AQR: variants seen among roughly 807,000 people sequenced by gnomAD.
AQR encodes the protein RNA helicase aquarius.
In AQR, 61 loss-of-function variants were observed where a neutral mutation model predicts 180.5. The observed-to-expected ratio is 0.34, with a 90% CI of 0.28 to 0.42. The LOEUF (loss-of-function observed/expected upper bound fraction) is 0.42. AQR is among the 10% of genes least tolerant of loss of function. AQR has a pLI of 1.00. For synonymous variants in AQR, 551 were observed against 588.8 expected (o/e 0.94, Z 0.93); for missense variants, 1,281 against 1,798.3 (o/e 0.71, Z 5.20).
chr15:34,866,225 C>G (rs1008271005), intron 32 of AQR, among the ~76,000 whole-genome samples: 1 of 151,996 alleles, frequency 6.6e-6, no homozygotes, highest in South Asian at 2.1e-4. Flanking sequence ...GCTAAGATAC[C>G]TAGGCTAAGC....
chr15:34,867,375 T>G, intron 32 of AQR, 149 bp downstream of exon 32: 1 of 635,678 alleles, frequency 1.6e-6, no homozygotes, highest in Non-Finnish European at 2.8e-6. Flanking sequence ...ACAAGGAATT[T>G]GATGTTACAT....
chr15:34,929,641 G>C (rs1893820329), intron 12 of AQR, among the ~76,000 whole-genome samples: 1 of 152,096 alleles, frequency 6.6e-6, no homozygotes, highest in Admixed American at 6.6e-5. Flanking sequence ...CAGCTTTGGA[G>C]AAGAGAGATC....
chr15:34,918,471 T>C (rs1893630731), intron 14 of AQR, 93 bp from the exon 15 acceptor site: 2 of 1,449,398 alleles, frequency 1.4e-6, no homozygotes, highest in African/African-American at 1.4e-5. Context: ...CTATCAGTTA[T>C]TGTAGCAGTT....
chr15:34,924,498 C>G (rs1893728413), intron 13 of AQR, among the ~76,000 whole-genome samples: 1 of 151,496 alleles, frequency 6.6e-6, no homozygotes. Flanking sequence ...GTGGCACGAT[C>G]TTGGCTCACT....
chr15:34,901,316 G>A (rs1201909643), intron 19 of AQR, among the ~76,000 whole-genome samples: 1 of 152,092 alleles, frequency 6.6e-6, no homozygotes, highest in Non-Finnish European at 1.5e-5. Context: ...GCACATTAAT[G>A]TATGCTTCAA....
At chr15:34,864,548 G>T (rs17818176) in intron 32 of AQR, among the ~76,000 whole-genome samples, 2,408 of 152,290 alleles carry the variant, frequency 0.016, 32 homozygotes, top group Admixed American at 0.024. Context: ...TACACTGCTA[G>T]AAATACCTAG....
chr15:34,936,057 G>A (rs768596526), intron 9 of AQR, among the ~76,000 whole-genome samples: 25 of 152,068 alleles, frequency 1.6e-4, no homozygotes, highest in Admixed American at 2.6e-4. Context: ...TTTTATGAGA[G>A]CTGGTCCTAC....
chr15:34,861,681 C>T (rs1006770444), intron 33 of AQR, among the ~76,000 whole-genome samples: 3 of 152,092 alleles, frequency 2.0e-5, no homozygotes, highest in African/African-American at 7.2e-5. Flanking sequence ...TCAAGAAACT[C>T]GGATATAATA....
At chr15:34,889,914 G>T (rs559323793) in intron 24 of AQR, among the ~76,000 whole-genome samples, 2 of 152,218 alleles carry the variant, frequency 1.3e-5, no homozygotes, top group East Asian at 3.9e-4. Flanking sequence ...TTTTGAACTG[G>T]CAGCATGAAA....
chr15:34,896,402 T>C (rs1566984480), intron 22 of AQR, among the ~76,000 whole-genome samples: 1 of 152,222 alleles, frequency 6.6e-6, no homozygotes, highest in Admixed American at 6.5e-5. Context: ...TAAAACTTTA[T>C]GAACACTGAA....
At chr15:34,874,086 T>C in intron 29 of AQR, 87 bp from the exon 30 acceptor site, 2 of 1,289,502 alleles carry the variant, frequency 1.6e-6, no homozygotes, top group Non-Finnish European at 2.0e-6. Context: ...TCTGTTTCTG[T>C]GCTTCTTTTA....
intron 19 of AQR, among the ~76,000 whole-genome samples, chr15:34,901,499 A>G (rs1485495137): frequency 3.3e-5 from 5 of 152,230 alleles, no homozygotes; most frequent in Non-Finnish European, 4.4e-5. Context: ...GTCAAAAATA[A>G]TTACAAAAAG....
intron 3 of AQR, among the ~76,000 whole-genome samples, chr15:34,958,069 G>C (rs1017551532): frequency 6.6e-6 from 1 of 152,032 alleles, no homozygotes; most frequent in Non-Finnish European, 1.5e-5. Context: ...TTAGCCGGGC[G>C]TGGTGGCGGG....
At chr15:34,914,479 G>A (rs1202472556) in intron 16 of AQR, among the ~76,000 whole-genome samples, 2 of 152,100 alleles carry the variant, frequency 1.3e-5, no homozygotes, top group Admixed American at 1.3e-4. Context: ...GTAAATCCTG[G>A]TGATTTACTT....
In AQR at chr15:34,874,859, A is replaced by G; in HGVS notation, c.3243T>C (p.Pro1081=). Residue 1081 remains proline, a synonymous_variant, in exon 29 of 35, where the codon CCT becomes CCC. Transcript: ENST00000156471. ...GTTTTAGTCGGCTAAATCCATCCTG[A>G]GGATTCTAGAAATGAAAAGTAAGGA... The part of the protein sequence containing the change: ...ETFIPLLLQN[P]QDGFSRLKRW... 1 of 1,612,102 alleles carries G rather than the reference A, an allele frequency of 6.2e-7. No homozygotes were observed. Among genetic ancestry groups the G allele is most frequent in the South Asian group, 1.1e-5 (1 of 90,742 alleles).
intron 5 of AQR, among the ~76,000 whole-genome samples, chr15:34,944,950 T>C (rs1894087159): frequency 6.6e-6 from 1 of 152,254 alleles, no homozygotes; most frequent in Non-Finnish European, 1.5e-5. Flanking sequence ...GCGTGTGGTC[T>C]ATACTAGTTG....
chr15:34,867,664 A>C (rs907116476), intron 31 of AQR, 55 bp from the exon 32 acceptor site: 2 of 1,229,258 alleles, frequency 1.6e-6, no homozygotes, highest in Non-Finnish European at 2.4e-6. Context: ...AAGACACTAG[A>C]GATCATTTAA....
At chr15:34,919,782 C>T (rs2036017652) in intron 14 of AQR, among the ~76,000 whole-genome samples, 1 of 151,960 alleles carries the variant, frequency 6.6e-6, no homozygotes, top group Admixed American at 6.6e-5. Context: ...TCTGTAATAC[C>T]AGCTACTCGG....
rs1566984756 is a variant in AQR, at chr15:34,897,639, G to A, written c.2310C>T (p.Asp770=). ...KRKDADVEDE[D]TEEAKTLIVE... ...CAATTAAGGTTTTTGCTTCCTCGGT[G>A]TCTTCATCTTCCACATCCGCATCTT... Residue 770 remains aspartate (D), a synonymous_variant, in exon 21 of 35, where the codon GAC becomes GAT. Transcript: ENST00000156471. The A allele has an allele frequency of 1.2e-6, 2 of 1,614,018 alleles. No individual in the cohort carries two copies. The highest frequency in any genetic ancestry group is 1.1e-5 in the South Asian group (1 of 91,066).
Sources: allele counts gnomAD v4.1 joint callset (sites outside exome capture counted in the v4.1 genomes callset), GRCh38; gene constraint gnomAD v4.1.1; transcripts MANE v1.5; gene names NCBI Gene and HGNC (gene_info 2026-07-23, HGNC 2026-07-21).